TTC3: variants seen among roughly 807,000 people sequenced by gnomAD.
TTC3 encodes the protein E3 ubiquitin-protein ligase TTC3.
A neutral mutation model predicts 249.6 loss-of-function variants in TTC3; 180 were observed. That is an observed-to-expected ratio of 0.72 (90% CI 0.64 to 0.82). TTC3 has a LOEUF of 0.82. TTC3 is among the 40% of genes least tolerant of loss of function. TTC3 has a pLI of 0.00. For synonymous variants in TTC3, 717 were observed against 805.0 expected, an observed-to-expected ratio of 0.89 and a Z score of 1.85; for missense variants, 2,061 against 2,398.4, an observed-to-expected ratio of 0.86 and a Z score of 2.94.
chr21:37,191,486 G>A (rs2084090744), intron 40 of TTC3, 62 bp downstream of exon 40: 5 of 1,062,096 alleles, frequency 4.7e-6, no homozygotes, highest in Non-Finnish European at 6.6e-6. Flanking sequence ...TTCTCGGGAG[G>A]CTGGTGTCAT....
At chr21:37,080,643 TA>T (rs1171260118) in intron 1 of TTC3, among the ~76,000 whole-genome samples, 1 of 152,226 alleles carries the variant, frequency 6.6e-6, no homozygotes, top group Non-Finnish European at 1.5e-5. Context: ...TTGAGACTTT[TA>T]TTAGCTACAT....
At chr21:37,187,022 G>GT (rs146377031) in intron 37 of TTC3, 27 bp from the exon 38 acceptor site, 21,352 of 1,281,710 alleles carry the variant, frequency 0.017, no homozygotes, top group South Asian at 0.026. Flanking sequence ...GTTCAAGAAA[G>GT]TTTTTTTTTT....
rs902007394 is a variant in TTC3 at position 37,191,432 on chromosome 21, G to A, written c.5115+8G>A. 3.3e-6 allele frequency: 5 copies of A among 1,538,306 alleles called. No individual in the cohort carries two copies. The highest frequency in any genetic ancestry group is 4.4e-6 in the Non-Finnish European group (5 of 1,137,288). ...GAAATTGAGAAAGCAAAGGTAAGTTGTAAACATCTTTTAATCCCATCAAAA... is the reference window on the plus strand; with the variant it reads ...GAAATTGAGAAAGCAAAGGTAAGTTATAAACATCTTTTAATCCCATCAAAA... On this transcript the variant is annotated splice_region_variant and intron_variant, in intron 40 of 45. Coordinates refer to ENST00000355666, the Ensembl canonical transcript of TTC3.
At position 37,098,025 on chromosome 21, in the gene TTC3, C is replaced by A. The variant is rs190620305; in HGVS notation, c.845+1382C>A. The A allele has an allele frequency of 1.2e-5, 8 of 687,098 alleles. No individual in the cohort carries two copies. In the Admixed American group the frequency reaches 1.8e-4, roughly 15 times the overall value. The allele number at this position is 687,098 out of a possible 1,614,324, so 42.6% of individuals were successfully genotyped here. A position where few individuals can be genotyped will look rare whatever the true frequency, so the allele number is the denominator to read the frequency against. On this transcript the variant is annotated intron_variant, in intron 10 of 45. Transcript: ENST00000355666. ...AGAATACCGCTGTATTAACGTTATG[C>A]AGCTTTTAGATGGCTTAAGCCGTGG...
At chr21:37,091,470 A>C in intron 7 of TTC3, 57 bp downstream of exon 7, 2 of 1,501,920 alleles carry the variant, frequency 1.3e-6, no homozygotes, top group South Asian at 2.6e-5. Flanking sequence ...TGTTTGGGAA[A>C]ATGAGATATG....
chr21:37,159,616 A>T, intron 28 of TTC3, 83 bp from the exon 29 acceptor site: 4 of 1,426,630 alleles, frequency 2.8e-6, no homozygotes, highest in Non-Finnish European at 3.9e-6. Context: ...CAGTAGTATG[A>T]GGAGTTATTT....
At chr21:37,124,592 T>G in intron 13 of TTC3, 27 bp from the exon 14 acceptor site, 5 of 1,602,070 alleles carry the variant, frequency 3.1e-6, no homozygotes, top group Non-Finnish European at 4.2e-6. Context: ...AAAAAATGTA[T>G]AATAATTCCT....
At chr21:37,136,431 T>C (rs1250074287) in intron 18 of TTC3, among the ~76,000 whole-genome samples, 1 of 152,148 alleles carries the variant, frequency 6.6e-6, no homozygotes, top group East Asian at 1.9e-4. Context: ...GACAAGAAAG[T>C]GAAACAACTT....
intron 20 of TTC3, among the ~76,000 whole-genome samples, chr21:37,143,428 C>T (rs1188005118): frequency 2.6e-5 from 4 of 152,034 alleles, no homozygotes; most frequent in African/African-American, 9.7e-5. Context: ...AAAAAGTGGG[C>T]AAAGGATATG....
rs368882438 is a variant in TTC3 at position 37,160,911 on chromosome 21, T to G, written c.3096+53T>G. ...TGTCTAAACTCTCCAAAATAGTTAG[T>G]TGGACATATACATTAGAATTGAGCA... On this transcript the variant is annotated intron_variant, in intron 30 of 45. Transcript: ENST00000355666. 2.2e-5 allele frequency: 34 copies of G among 1,547,990 alleles called. No individual in the cohort carries two copies. In the East Asian group the frequency reaches 5.7e-4, roughly 26 times the overall value.
exon 8 of TTC3, chr21:37,094,049 C>T: frequency 2.5e-6 from 4 of 1,607,984 alleles, no homozygotes; most frequent in Non-Finnish European, 3.4e-6. Context: ...CTGCAATTTG[C>T]TTGAAGAACT....
chr21:37,188,762 A>G (rs2083610715), intron 39 of TTC3, 167 bp downstream of exon 39: 2 of 455,810 alleles, frequency 4.4e-6, no homozygotes, highest in Admixed American at 3.7e-5. Flanking sequence ...AATGATAAAA[A>G]TCATTCCTAA....
chr21:37,197,848 T>G, intron 43 of TTC3, 34 bp from the exon 44 acceptor site: 2 of 1,600,550 alleles, frequency 1.2e-6, no homozygotes, highest in Non-Finnish European at 1.7e-6. Context: ...GCTTCCCTCT[T>G]GTCCCCTCCC....
chr21:37,147,455 T>C (rs1190337422), intron 21 of TTC3, 26 bp from the exon 22 acceptor site: 1 of 1,582,668 alleles, frequency 6.3e-7, no homozygotes, highest in Non-Finnish European at 8.6e-7. Context: ...ATTGTAATGG[T>C]ATCATTTTTG....
intron 44 of TTC3, 54 bp from the exon 45 acceptor site, chr21:37,200,178 T>C (rs2148253913): frequency 6.5e-7 from 1 of 1,544,460 alleles, no homozygotes; most frequent in Non-Finnish European, 8.8e-7. Context: ...AGAACTCGTG[T>C]CATAAAAACA....
At chr21:37,093,959 T>C in intron 7 of TTC3, 46 bp from the exon 8 acceptor site, 1 of 1,310,008 alleles carries the variant, frequency 7.6e-7, no homozygotes, top group Non-Finnish European at 1.1e-6. Flanking sequence ...TTTGTTTTTT[T>C]TTAAACAAAT....
intron 34 of TTC3, among the ~76,000 whole-genome samples, chr21:37,168,656 A>G (rs1412094195): frequency 6.6e-6 from 1 of 152,220 alleles, no homozygotes; most frequent in Non-Finnish European, 1.5e-5. Flanking sequence ...TTAAAATTTA[A>G]CACAATCCCA....
chr21:37,148,750 T>G (rs1323213988), intron 23 of TTC3, 103 bp downstream of exon 23: 3 of 718,022 alleles, frequency 4.2e-6, no homozygotes, highest in East Asian at 3.1e-5. Context: ...ATTAGAAAAT[T>G]TTAAATTATA....
chr21:37,100,425 A>G (rs763936203), intron 10 of TTC3, among the ~76,000 whole-genome samples: 11 of 152,346 alleles, frequency 7.2e-5, no homozygotes, highest in East Asian at 1.9e-4. Context: ...TGAAAAGAGA[A>G]ATATAAGTAT....
Sources: allele counts gnomAD v4.1 joint callset (sites outside exome capture counted in the v4.1 genomes callset), GRCh38; gene constraint gnomAD v4.1.1; transcripts MANE v1.5; gene names NCBI Gene and HGNC (gene_info 2026-07-23, HGNC 2026-07-21).